ALMS1: variants seen among roughly 807,000 people sequenced by gnomAD.
ALMS1 encodes the protein centrosome-associated protein ALMS1.
In ALMS1, 271 loss-of-function variants were observed where a neutral mutation model predicts 352.2. The ratio of observed to expected loss-of-function variants is 0.77; its 90% CI spans 0.70 to 0.85. The LOEUF is 0.85. ALMS1 is among the 40% of genes least tolerant of loss of function. The probability of loss-of-function intolerance (pLI) is 0.00; values close to 1 mark genes in which losing one functional copy is unlikely to be tolerated. For missense variants in ALMS1, 5,445 were observed against 4,870.7 expected (o/e 1.12, Z -3.51); for synonymous variants, 1,865 against 1,761.2 (o/e 1.06, Z -1.48).
At chr2:73,423,363 A>G (rs1671319103) in intron 4 of ALMS1, among the ~76,000 whole-genome samples, 1 of 152,062 alleles carries the variant, frequency 6.6e-6, no homozygotes, top group Non-Finnish European at 1.5e-5. Flanking sequence ...TGGCACTCTC[A>G]TTTTGTTCAG....
At chr2:73,476,316 G>T (rs1192497424) in intron 9 of ALMS1, among the ~76,000 whole-genome samples, 1 of 152,074 alleles carries the variant, frequency 6.6e-6, no homozygotes, top group Non-Finnish European at 1.5e-5. Flanking sequence ...CACTTGAGTT[G>T]CTTCTGCCAT....
intron 9 of ALMS1, among the ~76,000 whole-genome samples, chr2:73,481,486 A>G (rs1285170081): frequency 6.6e-6 from 1 of 152,064 alleles, no homozygotes. Flanking sequence ...GTAGCCTTGT[A>G]GTATAGTTTG....
chr2:73,450,055 A>G lies in ALMS1; in HGVS notation c.3528A>G (p.Gly1176=), dbSNP rs754195469. The G allele has an allele frequency of 1.9e-6, 3 of 1,613,992 alleles. No individual in the cohort carries two copies. The highest frequency in any genetic ancestry group is 2.5e-6 in the Non-Finnish European group (3 of 1,179,950). ...CTCAGAAAGTTTCAGCTGTTACTGG[A>G]CCAGGTAACCAGAAGACTTGGATAC... The part of the protein sequence containing the change: ...EEAQKVSAVT[G]PGNQKTWIPR... The change falls in exon 8 of 23, where the codon GGA becomes GGG. Residue 1176 remains glycine, a synonymous_variant. Coordinates refer to ENST00000613296, the MANE Select transcript of ALMS1 (RefSeq NM_001378454.1).
In ALMS1 at chr2:73,451,591, T is replaced by G; in HGVS notation, c.5064T>G (p.Ala1688=). Residue 1688 remains alanine (A), a synonymous_variant, in exon 8 of 23, where the codon GCT becomes GCG. Coordinates refer to ENST00000613296, the MANE Select transcript of ALMS1 (RefSeq NM_001378454.1). ...TLSDSHLPEE[A]LKVPPVPGPD... ...CAGACAGTCATTTACCTGAAGAAGCTCTGAAAGTTCCACCTGTTCCTGGAC... is the reference window on the plus strand; with the variant it reads ...CAGACAGTCATTTACCTGAAGAAGCGCTGAAAGTTCCACCTGTTCCTGGAC... 1.2e-6 allele frequency: 2 copies of G among 1,614,062 alleles called. No homozygotes were observed. The highest frequency in any genetic ancestry group is 1.7e-6 in the Non-Finnish European group (2 of 1,180,008).
intron 9 of ALMS1, among the ~76,000 whole-genome samples, chr2:73,482,678 G>A (rs545816788): frequency 7.9e-5 from 12 of 152,256 alleles, no homozygotes; most frequent in Middle Eastern, 3.4e-3. Flanking sequence ...TGTACCTCTG[G>A]TAGAATTCGG....
At chr2:73,443,277 C>A (rs1450259772) in intron 7 of ALMS1, among the ~76,000 whole-genome samples, 1 of 152,096 alleles carries the variant, frequency 6.6e-6, no homozygotes, top group Non-Finnish European at 1.5e-5. Context: ...CTTATACTTG[C>A]CTCTTTTTTC....
intron 10 of ALMS1, among the ~76,000 whole-genome samples, chr2:73,500,152 G>A (rs1411068053): frequency 3.3e-5 from 5 of 152,138 alleles, no homozygotes; most frequent in Admixed American, 2.0e-4. Context: ...TCATAATGAC[G>A]TGTTATGAAA....
rs1431096730 is a variant in ALMS1 at position 73,455,230 on chromosome 2, A to G, written c.7609A>G (p.Arg2537Gly). ...CATTTCAGAATTAAATGAAGATGAC[A>G]GGAGGAAAGTAGAAGAGATCAAGGC... ...YSISELNEDD[R>G]RKVEEIKAEL... Residue 2537 changes from arginine to glycine, a missense_variant, in exon 9 of 23, where the codon AGG becomes GGG. Physicochemically the swap from Arg to Gly is moderately radical, Grantham distance 125 (BLOSUM62 -2). Transcript: ENST00000613296. 2 of 1,614,078 alleles carry G rather than the reference A, an allele frequency of 1.2e-6. No individual in the cohort carries two copies. The highest frequency in any genetic ancestry group is 1.7e-5 in the Admixed American group (1 of 60,020).
intron 1 of ALMS1, among the ~76,000 whole-genome samples, chr2:73,398,508 G>A (rs1264901686): frequency 6.6e-6 from 1 of 152,140 alleles, no homozygotes; most frequent in Non-Finnish European, 1.5e-5. Context: ...GATTGGGATT[G>A]CGTTGATCTT....
chr2:73,450,019 AC>A lies in ALMS1; in HGVS notation c.3494del (p.Pro1165LeufsTer99). 6.2e-7 allele frequency: 1 copy of A among 1,613,914 alleles called. No homozygotes were observed. ...AGCAGGCCTTGCCAGGTACTCATAT[AC>A]CTGAAGAGGCTCAGAAAGTTTCAGC... Reference protein sequence around the residue: ...HQQALPGTHIPEEAQKVSAVT... With the variant: ...HQQALPGTHIXEEAQKVSAVT... On this transcript the variant is annotated frameshift_variant, in exon 8 of 23. Coordinates refer to ENST00000613296, the MANE Select transcript of ALMS1 (RefSeq NM_001378454.1). LOFTEE classifies it high-confidence loss of function.
intron 10 of ALMS1, among the ~76,000 whole-genome samples, chr2:73,516,970 A>G (rs935241329): frequency 4.6e-5 from 7 of 152,110 alleles, no homozygotes; most frequent in Admixed American, 3.9e-4. Flanking sequence ...CTCTCCATCT[A>G]GTGGGACTTG....
chr2:73,524,602 G>A (rs988588918), intron 11 of ALMS1, among the ~76,000 whole-genome samples: 2 of 151,962 alleles, frequency 1.3e-5, no homozygotes, highest in Admixed American at 6.6e-5. Flanking sequence ...ACAGGCACCC[G>A]CCACCACGCC....
At chr2:73,566,506 C>T (rs1037504306) in intron 15 of ALMS1, among the ~76,000 whole-genome samples, 3 of 152,136 alleles carry the variant, frequency 2.0e-5, no homozygotes, top group African/African-American at 4.8e-5. Context: ...CTCACAACGA[C>T]GTGCAATTTA....
chr2:73,519,946 A>G lies in ALMS1; in HGVS notation c.9711A>G (p.Leu3237=), dbSNP rs374674419. 4.3e-6 allele frequency: 7 copies of G among 1,614,128 alleles called. No homozygotes were observed. Among genetic ancestry groups the G allele is most frequent in the Admixed American group, 3.3e-5 (2 of 60,024 alleles). Reference sequence around the variant, plus strand: ...TTATAGAGCCTGGTAACCAGAAGCTACGCAAAGCTCCTGTCAAGTTTGCCT... The same window carrying G: ...TTATAGAGCCTGGTAACCAGAAGCTGCGCAAAGCTCCTGTCAAGTTTGCCT... The part of the protein sequence containing the change: ...HEIIEPGNQK[L]RKAPVKFASS... Residue 3237 remains leucine, a synonymous_variant, in exon 11 of 23, where the codon CTA becomes CTG. Coordinates refer to ENST00000613296, the MANE Select transcript of ALMS1 (RefSeq NM_001378454.1).
At chr2:73,485,965 C>T (rs138360794) in intron 9 of ALMS1, among the ~76,000 whole-genome samples, 3,372 of 152,066 alleles carry the variant, frequency 0.022, 125 homozygotes, top group Admixed American at 0.089. Context: ...TGACCTGCGC[C>T]CACTGTCTGG....
At chr2:73,494,132 T>G (rs1673054747) in intron 10 of ALMS1, among the ~76,000 whole-genome samples, 1 of 152,132 alleles carries the variant, frequency 6.6e-6, no homozygotes, top group South Asian at 2.1e-4. Flanking sequence ...AAGCTTCCCT[T>G]AGTGAGGCAG....
chr2:73,595,070 T>C (rs1675517094), intron 16 of ALMS1, among the ~76,000 whole-genome samples: 1 of 152,326 alleles, frequency 6.6e-6, no homozygotes, highest in Middle Eastern at 3.4e-3. Flanking sequence ...CCCACAAGTT[T>C]TTGTTTATTC....
intron 17 of ALMS1, 55 bp downstream of exon 17, chr2:73,599,576 C>T: frequency 1.3e-6 from 2 of 1,560,816 alleles, no homozygotes; most frequent in East Asian, 2.2e-5. Flanking sequence ...GGCTCTTAAA[C>T]ATGTAAGATA....
chr2:73,513,973 T>G (rs1452562327), intron 10 of ALMS1, among the ~76,000 whole-genome samples: 1 of 152,084 alleles, frequency 6.6e-6, no homozygotes, highest in South Asian at 2.1e-4. Flanking sequence ...TTTAAGATTG[T>G]ATTGTTTGGG....
Sources: gnomAD v4.1 joint callset for allele counts (sites outside exome capture counted in the v4.1 genomes callset) on GRCh38, gnomAD v4.1.1 for gene constraint, MANE v1.5 for transcripts, NCBI Gene and HGNC (gene_info 2026-07-23, HGNC 2026-07-21) for gene names.